The following DIAPH2 variants were observed in gnomAD, a reference collection of about 807,000 sequenced individuals.
DIAPH2 encodes the protein protein diaphanous homolog 2.
In DIAPH2, 35 loss-of-function variants were observed where a neutral mutation model predicts 92.7. The ratio of observed to expected loss-of-function variants is 0.38; its 90% CI spans 0.29 to 0.50. The LOEUF is 0.50. Ranked by LOEUF, DIAPH2 falls within the 20% of genes least tolerant of loss-of-function variation. DIAPH2 has a pLI of 0.94. For missense variants in DIAPH2, 701 were observed against 819.5 expected (o/e 0.86, Z 1.77); for synonymous variants, 301 against 280.4 (o/e 1.07, Z -0.73).
At chrX:96,869,595 A>AC (rs1569416391) in intron 4 of DIAPH2, among the ~76,000 whole-genome samples, 13 of 78,071 alleles carry the variant, frequency 1.7e-4, no homozygotes, top group African/African-American at 6.5e-4. Context: ...ACTACTACTA[A>AC]TACTAGTCTC....
chrX:97,569,125 C>A (rs923363933), intron 26 of DIAPH2, among the ~76,000 whole-genome samples: 10 of 111,641 alleles, frequency 9.0e-5, no homozygotes, highest in Non-Finnish European at 1.7e-4. Context: ...TAAAACCCTG[C>A]AGACAGTGTC....
chrX:96,870,172 T>C (rs1255597543), intron 4 of DIAPH2, among the ~76,000 whole-genome samples: 1 of 111,700 alleles, frequency 9.0e-6, no homozygotes, highest in African/African-American at 3.3e-5. Context: ...GTTTTAGTAA[T>C]ATTTTCCCTG....
chrX:97,107,161 ATTTTTCTTTTTTCTTTTTC>A (rs931563320), intron 20 of DIAPH2, among the ~76,000 whole-genome samples: 41 of 110,653 alleles, frequency 3.7e-4, no homozygotes, highest in African/African-American at 8.9e-4. Flanking sequence ...GTACATCATT[ATTTTTCTTTTTTCTTTTTC>A]TTTTTCTTTT....
intron 11 of DIAPH2, 109 bp from the exon 12 acceptor site, chrX:96,939,157 A>G (rs998741294): frequency 1.3e-4 from 52 of 401,801 alleles, no homozygotes; most frequent in Non-Finnish European, 2.2e-4. Context: ...GAAGGTTTAA[A>G]AACAGTAATG....
intron 22 of DIAPH2, among the ~76,000 whole-genome samples, chrX:97,241,648 A>T (rs1353277538): frequency 9.0e-6 from 1 of 110,628 alleles, no homozygotes; most frequent in Non-Finnish European, 1.9e-5. Context: ...GGAACTGGGT[A>T]TGTATAGGCT....
At chrX:96,929,764 C>A (rs1988326258) in intron 9 of DIAPH2, among the ~76,000 whole-genome samples, 1 of 110,101 alleles carries the variant, frequency 9.1e-6, no homozygotes, top group African/African-American at 3.3e-5. Flanking sequence ...TCCGAGGATT[C>A]CCCTTGTAGT....
chrX:97,040,085 G>A (rs1396767054), intron 17 of DIAPH2, among the ~76,000 whole-genome samples: 1 of 110,453 alleles, frequency 9.1e-6, no homozygotes, highest in Non-Finnish European at 1.9e-5. Context: ...AATAAACCAG[G>A]CATGATTTCT....
At position 97,508,611 on chromosome X, in the gene DIAPH2, A is replaced by G. The variant is rs1232234991; in HGVS notation, c.3241+78866A>G. On this transcript the variant is annotated intron_variant, in intron 26 of 26. Coordinates refer to ENST00000324765, the MANE Select transcript of DIAPH2 (RefSeq NM_006729.5). ...TTGCATTTCTCCCCACCACCAGCCCACCCTCATTCCCTAATATCTGTGGTT... is the reference window on the plus strand; with the variant it reads ...TTGCATTTCTCCCCACCACCAGCCCGCCCTCATTCCCTAATATCTGTGGTT... 9.8e-5 allele frequency among the ~76,000 whole-genome samples: 11 copies of G among 111,735 alleles called. No individual in the cohort carries two copies. In the Admixed American group the frequency reaches 1.0e-3, roughly 11 times the overall value.
In DIAPH2 at chrX:97,156,746, T is replaced by G. The variant is rs2067325852; in HGVS notation, c.2719+14952T>G. Among the ~76,000 whole-genome samples the G allele has an allele frequency of 1.1e-4, 12 of 112,077 alleles. No homozygotes were observed. The Admixed American group carries it at 1.1e-3, about 11-fold the overall frequency. On this transcript the variant is annotated intron_variant, in intron 22 of 26. Coordinates refer to ENST00000324765, the MANE Select transcript of DIAPH2 (RefSeq NM_006729.5). ...TAATATTTGTATGCAGATATCCACCTATACAATATATGTGATAATTTGAAA... is the reference window on the plus strand; with the variant it reads ...TAATATTTGTATGCAGATATCCACCGATACAATATATGTGATAATTTGAAA...
intron 25 of DIAPH2, among the ~76,000 whole-genome samples, chrX:97,391,703 T>C (rs899705772): frequency 7.2e-5 from 8 of 111,698 alleles, no homozygotes; most frequent in African/African-American, 2.6e-4. Flanking sequence ...TATTGCTTAG[T>C]AGATGTAACT....
At chrX:97,281,288 ACT>A (rs1211294651) in intron 23 of DIAPH2, among the ~76,000 whole-genome samples, 1 of 110,472 alleles carries the variant, frequency 9.1e-6, no homozygotes, top group Non-Finnish European at 1.9e-5. Flanking sequence ...ATAGATTAAA[ACT>A]CTTCTTATTT....
At position 96,885,029 on chromosome X, in the gene DIAPH2, A is replaced by G. The variant is rs1398104114; in HGVS notation, c.587+3311A>G. 13 of 1,208,941 alleles carry G rather than the reference A, an allele frequency of 1.1e-5. No individual in the cohort carries two copies. Among genetic ancestry groups the G allele is most frequent in the African/African-American group, 1.8e-5 (1 of 56,861 alleles). On this transcript the variant is annotated intron_variant, in intron 5 of 26. Coordinates refer to ENST00000324765, the MANE Select transcript of DIAPH2 (RefSeq NM_006729.5). ...GTCAAGGCCATCAAGGAAGCGATTG[A>G]TTATCTGACCGTTGAGGGCCACATC...
chrX:96,940,846 T>C (rs2065699621), intron 12 of DIAPH2, among the ~76,000 whole-genome samples: 1 of 111,472 alleles, frequency 9.0e-6, no homozygotes, highest in African/African-American at 3.3e-5. Context: ...TATCCATTTC[T>C]CAGCAACTAT....
chrX:96,954,486 A>G (rs1349840159), intron 15 of DIAPH2, among the ~76,000 whole-genome samples: 2 of 112,027 alleles, frequency 1.8e-5, no homozygotes, highest in African/African-American at 6.5e-5. Flanking sequence ...TTTCTGATAG[A>G]AATGTTATAT....
chrX:97,599,320 C>T lies in DIAPH2; in HGVS notation c.*3C>T, dbSNP rs772225644. ...ATGGAGCTATCTCATCTAAGTGATT[C>T]CTGATGCCAAAGAATATGAAAATAT... is the stretch of plus-strand genomic sequence containing the variant. On this transcript the variant is annotated 3_prime_UTR_variant, in exon 27 of 27. Transcript: ENST00000324765. 8.6e-7 allele frequency: 1 copy of T among 1,159,681 alleles called. No homozygotes were observed. The highest frequency in any genetic ancestry group is 2.2e-5 in the Admixed American group (1 of 44,757).
At position 97,356,683 on chromosome X, in the gene DIAPH2, C is replaced by G. The variant is rs375586424; in HGVS notation, c.3009+8403C>G. ...GGCCAGAAGTGGATGTCCTATTTCT[C>G]TTATATGATTTTTCCTTGTATAGAA... On this transcript the variant is annotated intron_variant, in intron 24 of 26. Coordinates refer to ENST00000324765, the MANE Select transcript of DIAPH2 (RefSeq NM_006729.5). 4.0e-4 allele frequency among the ~76,000 whole-genome samples: 44 copies of G among 110,854 alleles called. 1 individual carries two copies. Among genetic ancestry groups the G allele is most frequent in the African/African-American group, 1.4e-3 (43 of 30,528 alleles).
chrX:96,923,747 A>G (rs1569427843), intron 9 of DIAPH2, among the ~76,000 whole-genome samples: 1 of 111,283 alleles, frequency 9.0e-6, no homozygotes, highest in Non-Finnish European at 1.9e-5. Flanking sequence ...AATGCAAATG[A>G]TAACAATAGA....
rs2069671571 is a variant in DIAPH2 at position 97,392,766 on chromosome X, TA to T, written c.3145+8724del. The stretch of plus-strand genomic sequence containing the variant: ...CCAGCACCACAGTTTGCTAGCCATA[TA>T]ATCTCTGACAAGGTGTTTCATCTTT... On this transcript the variant is annotated intron_variant, in intron 25 of 26. Coordinates refer to ENST00000324765, the MANE Select transcript of DIAPH2 (RefSeq NM_006729.5). Among the ~76,000 whole-genome samples, 4 of 112,070 alleles carry T rather than the reference TA, an allele frequency of 3.6e-5. No homozygotes were observed. In the South Asian group the frequency reaches 1.5e-3, roughly 42 times the overall value.
intron 22 of DIAPH2, among the ~76,000 whole-genome samples, chrX:97,213,505 G>C (rs993371399): frequency 9.0e-6 from 1 of 111,655 alleles, no homozygotes; most frequent in Non-Finnish European, 1.9e-5. Context: ...ATTGCTGTTA[G>C]TTACCAAAGC....
Sources: gnomAD v4.1 joint callset for allele counts (sites outside exome capture counted in the v4.1 genomes callset) on GRCh38, gnomAD v4.1.1 for gene constraint, MANE v1.5 for transcripts, NCBI Gene and HGNC (gene_info 2026-07-23, HGNC 2026-07-21) for gene names.